The following ANKS1B variants were observed in gnomAD, a reference collection of about 807,000 sequenced individuals.
The protein encoded by ANKS1B is ankyrin repeat and sterile alpha motif domain-containing protein 1B.
In ANKS1B, 36 loss-of-function variants were observed where a neutral mutation model predicts 148.3. That is an observed-to-expected ratio of 0.24 (90% CI 0.19 to 0.32). ANKS1B has a LOEUF of 0.32. Among genes scored for constraint, ANKS1B ranks in the 10% least tolerant of loss-of-function variants. The pLI, the probability that ANKS1B is intolerant of heterozygous loss-of-function variation, is 1.00. For synonymous variants in ANKS1B, 542 were observed against 560.8 expected, an observed-to-expected ratio of 0.97 and a Z score of 0.47; for missense variants, 1,157 against 1,542.6, an observed-to-expected ratio of 0.75 and a Z score of 4.19.
chr12:99,572,788 C>A (rs1400438925), intron 9 of ANKS1B, among the ~76,000 whole-genome samples: 2 of 151,934 alleles, frequency 1.3e-5, no homozygotes, highest in African/African-American at 4.8e-5. Context: ...ATTCCCATAT[C>A]TGTGATAATA....
Position 99,904,472 on chromosome 12 carries a change from A to G in ANKS1B, c.135-79083T>C, listed in dbSNP as rs554139422. On this transcript the variant is annotated intron_variant, in intron 1 of 26. Coordinates refer to ENST00000683438, the MANE Select transcript of ANKS1B (RefSeq NM_001352186.2). ...CTCCCACACTGCTGGGATTACAGAC[A>G]TGAGCCACTGTGCCCAGCCTAATCA... Among the ~76,000 whole-genome samples, 559 of 152,328 alleles carry G rather than the reference A, an allele frequency of 3.7e-3. 2 individuals carry two copies. The highest frequency in any genetic ancestry group is 5.5e-3 in the Non-Finnish European group (375 of 68,032).
At chr12:99,547,339 A>G (rs1461985702) in intron 9 of ANKS1B, among the ~76,000 whole-genome samples, 1 of 152,122 alleles carries the variant, frequency 6.6e-6, no homozygotes, top group African/African-American at 2.4e-5. Flanking sequence ...TTATTTTGGT[A>G]TAAAATATAA....
chr12:99,871,979 T>A (rs984137946), intron 1 of ANKS1B, among the ~76,000 whole-genome samples: 7 of 152,102 alleles, frequency 4.6e-5, no homozygotes, highest in African/African-American at 1.7e-4. Context: ...TAACTACAAA[T>A]GAAAAGATTG....
rs1354961201 is a variant in ANKS1B, at chr12:99,984,335, C to G, written c.-98G>C. 1 of 1,168,566 alleles carries G rather than the reference C, an allele frequency of 8.6e-7. No individual in the cohort carries two copies. Among genetic ancestry groups the G allele is most frequent in the Admixed American group, 2.6e-5 (1 of 38,052 alleles). 72.4% of individuals were successfully genotyped at this position (1,168,566 alleles called of 1,614,324 possible). ...AAATCCAGGGCCCTCTTCGCCCCAC[C>G]CTAAAATAATGCAAGAGCTTCAGCA... On this transcript the variant is annotated 5_prime_UTR_variant, in exon 1 of 27. Coordinates refer to ENST00000683438, the MANE Select transcript of ANKS1B (RefSeq NM_001352186.2).
At chr12:99,052,510 G>A (rs2099966788) in intron 17 of ANKS1B, among the ~76,000 whole-genome samples, 1 of 148,290 alleles carries the variant, frequency 6.7e-6, no homozygotes, top group Non-Finnish European at 1.5e-5. Flanking sequence ...GGTGGATCAT[G>A]AGGTCAGGAG....
intron 1 of ANKS1B, among the ~76,000 whole-genome samples, chr12:99,963,767 T>C (rs1161413452): frequency 6.6e-6 from 1 of 152,234 alleles, no homozygotes. Flanking sequence ...ATAATCATTT[T>C]TATAAGACCT....
chr12:99,311,713 A>G lies in ANKS1B; in HGVS notation c.1757-64849T>C, dbSNP rs143674244. Among the ~76,000 whole-genome samples the G allele has an allele frequency of 4.0e-3, 614 of 152,242 alleles. 4 individuals carry two copies. The highest frequency in any genetic ancestry group is 0.014 in the African/African-American group (585 of 41,586). ...CAAAAATGTTCAGAAACTTTTGATTATGTTTTATAATCACAAAATATTTTG... is the reference window on the plus strand; with the variant it reads ...CAAAAATGTTCAGAAACTTTTGATTGTGTTTTATAATCACAAAATATTTTG... On this transcript the variant is annotated intron_variant, in intron 12 of 26. Coordinates refer to ENST00000683438, the MANE Select transcript of ANKS1B (RefSeq NM_001352186.2).
At chr12:98,894,960 G>C in intron 17 of ANKS1B, 1 of 839,718 alleles carries the variant, frequency 1.2e-6, no homozygotes. Context: ...CACCCGCCCG[G>C]CTCCACGCGG....
chr12:99,411,695 T>C (rs1373213697), intron 11 of ANKS1B, among the ~76,000 whole-genome samples: 4 of 152,254 alleles, frequency 2.6e-5, no homozygotes, highest in Admixed American at 6.5e-5. Flanking sequence ...CTTTATCATA[T>C]ACTAAATTTC....
At chr12:99,896,808 T>C (rs956259216) in intron 1 of ANKS1B, among the ~76,000 whole-genome samples, 2 of 151,422 alleles carry the variant, frequency 1.3e-5, no homozygotes, top group Non-Finnish European at 3.0e-5. Flanking sequence ...GGAAGCTCTC[T>C]GTGCCTACGG....
In ANKS1B at chr12:98,744,956, T is replaced by A. The variant is rs867714621; in HGVS notation, c.*783A>T. 1 of 985,682 alleles carries A rather than the reference T, an allele frequency of 1.0e-6. No individual in the cohort carries two copies. The allele number at this position is 985,682 out of a possible 1,614,324, so 61.1% of individuals were successfully genotyped here. ...TCCTCTTGGTAGTAGCAGTAGAAATTTAATTATTTGAAATGAAACCAGAAA... is the reference window on the plus strand; with the variant it reads ...TCCTCTTGGTAGTAGCAGTAGAAATATAATTATTTGAAATGAAACCAGAAA... On this transcript the variant is annotated 3_prime_UTR_variant, in exon 27 of 27. Transcript: ENST00000683438.
intron 11 of ANKS1B, among the ~76,000 whole-genome samples, chr12:99,430,881 G>A (rs116432798): frequency 1.8e-3 from 276 of 152,272 alleles, no homozygotes; most frequent in African/African-American, 6.2e-3. Context: ...TTCTCATGAT[G>A]ATAATAAAAA....
chr12:99,660,574 G>C (rs2098472473), intron 8 of ANKS1B, among the ~76,000 whole-genome samples: 1 of 151,928 alleles, frequency 6.6e-6, no homozygotes, highest in South Asian at 2.1e-4. Context: ...TGTTGGCCAA[G>C]CTGGTCTTGA....
chr12:99,001,174 G>A (rs955241968), intron 17 of ANKS1B, among the ~76,000 whole-genome samples: 1 of 151,854 alleles, frequency 6.6e-6, no homozygotes, highest in East Asian at 1.9e-4. Flanking sequence ...TCGCTCTGTT[G>A]CCCGGGCTGG....
intron 1 of ANKS1B, among the ~76,000 whole-genome samples, chr12:99,967,800 T>C (rs980570929): frequency 6.7e-6 from 1 of 148,668 alleles, no homozygotes; most frequent in Non-Finnish European, 1.5e-5. Flanking sequence ...CCAGCTACTC[T>C]GGAGGCTGAG....
chr12:99,964,214 C>T (rs919508648), intron 1 of ANKS1B, among the ~76,000 whole-genome samples: 1 of 152,112 alleles, frequency 6.6e-6, no homozygotes, highest in Non-Finnish European at 1.5e-5. Flanking sequence ...AAATAGTATC[C>T]AGGAGAATTG....
intron 12 of ANKS1B, among the ~76,000 whole-genome samples, chr12:99,369,767 TAG>T (rs1293935759): frequency 7.1e-6 from 1 of 141,388 alleles, no homozygotes; most frequent in East Asian, 2.3e-4. Flanking sequence ...GATAGATAGA[TAG>T]ATAGATAGAT....
At chr12:98,779,489 T>A (rs2098713082) in intron 24 of ANKS1B, among the ~76,000 whole-genome samples, 1 of 152,180 alleles carries the variant, frequency 6.6e-6, no homozygotes, top group Non-Finnish European at 1.5e-5. Context: ...AGAATCCAAG[T>A]CTGCTAAAGT....
At position 98,772,919 on chromosome 12, in the gene ANKS1B, G is replaced by C. The variant is rs193293966; in HGVS notation, c.3579+123C>G. 7.3e-4 allele frequency: 763 copies of C among 1,049,984 alleles called. 3 individuals are homozygous for C. The highest frequency in any genetic ancestry group is 9.1e-4 in the Middle Eastern group (3 of 3,296). The allele number at this position is 1,049,984 out of a possible 1,614,324, so 65.0% of individuals were successfully genotyped here. On this transcript the variant is annotated intron_variant, in intron 25 of 26. Transcript: ENST00000683438. The stretch of plus-strand genomic sequence containing the variant: ...GCAGCCCTAGCAAACAAATACACTT[G>C]GTATGTATCTTAATACCGGGTAAAC...
Sources: allele counts gnomAD v4.1 joint callset (sites outside exome capture counted in the v4.1 genomes callset), GRCh38; gene constraint gnomAD v4.1.1; transcripts MANE v1.5; gene names NCBI Gene and HGNC (gene_info 2026-07-23, HGNC 2026-07-21).